The following SEMA4D variants were observed in gnomAD, a reference collection of about 807,000 sequenced individuals.
The protein encoded by SEMA4D is semaphorin 4D.
Under a neutral mutation model 74.8 loss-of-function variants are expected in SEMA4D, and 22 were observed. That is an observed-to-expected ratio of 0.29 (90% CI 0.21 to 0.42). SEMA4D has a LOEUF of 0.42. SEMA4D is among the 10% of genes least tolerant of loss of function. SEMA4D has a pLI of 1.00. For synonymous variants in SEMA4D, 445 were observed against 463.7 expected (o/e 0.96, Z 0.52); for missense variants, 937 against 1,118.4 (o/e 0.84, Z 2.31).
downstream of SEMA4D, among the ~76,000 whole-genome samples, chr9:89,372,613 C>CA (rs1271174661): frequency 6.6e-6 from 1 of 151,956 alleles, no homozygotes; most frequent in Non-Finnish European, 1.5e-5. Context: ...CACACTGAGG[C>CA]AGTCGGCCAC....
At chr9:89,408,690 C>T (rs113340778) in intron 2 of SEMA4D, among the ~76,000 whole-genome samples, 4 of 152,294 alleles carry the variant, frequency 2.6e-5, no homozygotes, top group South Asian at 2.1e-4. Flanking sequence ...GGCAGGCCTG[C>T]GGCAGGCAGG....
chr9:89,429,955 C>G (rs545135302), intron 2 of SEMA4D, among the ~76,000 whole-genome samples: 1 of 152,022 alleles, frequency 6.6e-6, no homozygotes, highest in Admixed American at 6.5e-5. Flanking sequence ...ATGCACATAA[C>G]AAGAAAACCT....
intron 4 of SEMA4D, among the ~76,000 whole-genome samples, chr9:89,401,222 A>AT (rs34074489): frequency 0.22 from 32,814 of 151,808 alleles, 3,759 homozygotes; most frequent in Non-Finnish European, 0.25. Context: ...ACACCTGGCT[A>AT]TTTTTTGCAG....
intron 2 of SEMA4D, among the ~76,000 whole-genome samples, chr9:89,453,281 C>T (rs57473953): frequency 0.011 from 1,707 of 152,270 alleles, 27 homozygotes; most frequent in African/African-American, 0.038. Flanking sequence ...TAAATGCAGG[C>T]GGTATCAAAA....
At chr9:89,448,977 C>T (rs994887185) in intron 2 of SEMA4D, among the ~76,000 whole-genome samples, 2 of 152,184 alleles carry the variant, frequency 1.3e-5, no homozygotes, top group Non-Finnish European at 2.9e-5. Flanking sequence ...CACTGACCTG[C>T]AGGCTGAGCA....
Position 89,484,431 on chromosome 9 carries a change from T to C in SEMA4D, c.-310+13488A>G, listed in dbSNP as rs990193748. On this transcript the variant is annotated intron_variant, in intron 1 of 15. Coordinates refer to ENST00000422704, the MANE Select transcript of SEMA4D (RefSeq NM_001371194.2). This position sits in a 1 kb window ranked among gnomAD's most constrained non-coding sequence, Gnocchi z 4.1. ...TGATGTGTGGTGTGTGTGGTGTGTA[T>C]GTGTACAGTGTGTGTTGTGTGTGTT... Among the ~76,000 whole-genome samples, 1 of 151,308 alleles carries C rather than the reference T, an allele frequency of 6.6e-6. No individual in the cohort carries two copies. The highest frequency in any genetic ancestry group is 1.5e-5 in the Non-Finnish European group (1 of 67,754).
intron 17 of SEMA4D, chr9:89,363,614 A>G: frequency 1.3e-6 from 2 of 1,596,236 alleles, no homozygotes; most frequent in Non-Finnish European, 1.7e-6. Context: ...CTCAATGGAA[A>G]GCCAATAAAA....
intron 16 of SEMA4D, chr9:89,367,888 GC>G (rs1311435285): frequency 6.6e-6 from 1 of 152,296 alleles, no homozygotes; most frequent in East Asian, 1.9e-4. Context: ...CCTCCCACCT[GC>G]TCACTCCCAC....
chr9:89,412,395 A>G (rs1844732752), intron 2 of SEMA4D, among the ~76,000 whole-genome samples: 1 of 152,242 alleles, frequency 6.6e-6, no homozygotes, highest in African/African-American at 2.4e-5. Flanking sequence ...CCCAGGTGGA[A>G]GCCAGCAGGT....
At position 89,381,444 on chromosome 9, in the gene SEMA4D, G is replaced by T; in HGVS notation, c.1447-98C>A. 2 of 1,192,544 alleles carry T rather than the reference G, an allele frequency of 1.7e-6. No individual in the cohort carries two copies. Among genetic ancestry groups the T allele is most frequent in the Non-Finnish European group, 2.3e-6 (2 of 869,624 alleles). The allele number at this position is 1,192,544 out of a possible 1,614,324, so 73.9% of individuals were successfully genotyped here. ...CCAGTGTGTGGGAAGCAGCCAGAGT[G>T]TACCTTCAGGGGACATTGCAGTAAG... On this transcript the variant is annotated intron_variant, in intron 13 of 15. Coordinates refer to ENST00000422704, the MANE Select transcript of SEMA4D (RefSeq NM_001371194.2). This position sits in a 1 kb window ranked among gnomAD's most constrained non-coding sequence, Gnocchi z 4.6.
At position 89,393,572 on chromosome 9, in the gene SEMA4D, G is replaced by A. The variant is rs377300423; in HGVS notation, c.498C>T (p.Ser166=). The A allele has an allele frequency of 8.7e-6, 14 of 1,613,780 alleles. No individual in the cohort carries two copies. Among genetic ancestry groups the A allele is most frequent in the South Asian group, 3.3e-5 (3 of 91,074 alleles). ...AGGGGCAGGACTCACCAACCATGAC[G>A]GATGTGTAGCTGTGTGCTGGGTCAA... ...CPFDPAHSYT[S]VMVDGELYSG... Residue 166 remains serine, a synonymous_variant, in exon 7 of 16, where the codon TCC becomes TCT. Transcript: ENST00000422704.
chr9:89,487,015 T>C (rs1412632062), intron 1 of SEMA4D, among the ~76,000 whole-genome samples: 1 of 152,056 alleles, frequency 6.6e-6, no homozygotes, highest in Non-Finnish European at 1.5e-5. Context: ...TCTCAAATCA[T>C]TGTGTGGGGC....
intron 1 of SEMA4D, among the ~76,000 whole-genome samples, chr9:89,490,692 G>A (rs1159052214): frequency 6.6e-6 from 1 of 152,214 alleles, no homozygotes; most frequent in African/African-American, 2.4e-5. Context: ...CTTAATGATG[G>A]GTTTATGATT....
At chr9:89,420,543 C>A (rs1473105313) in intron 2 of SEMA4D, among the ~76,000 whole-genome samples, 1 of 152,244 alleles carries the variant, frequency 6.6e-6, no homozygotes, top group Non-Finnish European at 1.5e-5. Context: ...AACGCCCAGG[C>A]CTTGCGAACA....
chr9:89,462,490 T>C (rs1330221077), intron 1 of SEMA4D, among the ~76,000 whole-genome samples: 1 of 152,194 alleles, frequency 6.6e-6, no homozygotes, highest in Admixed American at 6.5e-5. Flanking sequence ...TTTTTCCCTG[T>C]GGCATACCCA....
At chr9:89,402,145 T>G (rs1292193703) in intron 4 of SEMA4D, among the ~76,000 whole-genome samples, 1 of 152,210 alleles carries the variant, frequency 6.6e-6, no homozygotes. Context: ...CCCAGGAGTT[T>G]GAGGCTGCAG....
At chr9:89,493,725 T>A (rs1448898117) in intron 1 of SEMA4D, among the ~76,000 whole-genome samples, 1 of 152,274 alleles carries the variant, frequency 6.6e-6, no homozygotes, top group Non-Finnish European at 1.5e-5. Flanking sequence ...TGTAGACTTC[T>A]ATGCAGCACG....
intron 2 of SEMA4D, among the ~76,000 whole-genome samples, chr9:89,411,973 G>C (rs1844629703): frequency 6.6e-6 from 1 of 152,140 alleles, no homozygotes; most frequent in Non-Finnish European, 1.5e-5. Flanking sequence ...GTCTCAGGCT[G>C]CCTTGCAGCC....
chr9:89,448,549 G>A lies in SEMA4D; in HGVS notation c.-244+7339C>T, dbSNP rs116760642. On this transcript the variant is annotated intron_variant, in intron 2 of 15. Coordinates refer to ENST00000422704, the MANE Select transcript of SEMA4D (RefSeq NM_001371194.2). ...GCCCCAGCACCAGGAACAGGCTGCC[G>A]TGGGGGCCACAGCCCGCCTACACTC... is the stretch of plus-strand genomic sequence containing the variant. Among the ~76,000 whole-genome samples, 1,037 of 152,326 alleles carry A rather than the reference G, an allele frequency of 6.8e-3. 11 individuals carry two copies. The highest frequency in any genetic ancestry group is 0.023 in the African/African-American group (973 of 41,564).
Sources: allele counts gnomAD v4.1 joint callset (sites outside exome capture counted in the v4.1 genomes callset), GRCh38; gene constraint gnomAD v4.1.1; non-coding constraint Gnocchi (gnomAD v3.1); transcripts MANE v1.5; gene names NCBI Gene and HGNC (gene_info 2026-07-23, HGNC 2026-07-21).